KCNH8: variants seen among roughly 807,000 people sequenced by gnomAD.
KCNH8 encodes potassium voltage-gated channel subfamily H member 8, also known as voltage-gated delayed rectifier potassium channel KCNH8.
A neutral mutation model predicts 103.6 loss-of-function variants in KCNH8; 70 were observed. That is an observed-to-expected ratio of 0.68 (90% CI 0.56 to 0.82). The LOEUF (loss-of-function observed/expected upper bound fraction) is 0.82, where lower values mean the gene tolerates loss of function less well. Among genes scored for constraint, KCNH8 ranks in the 40% least tolerant of loss-of-function variants. The probability of loss-of-function intolerance (pLI) is 0.00; values close to 1 mark genes in which losing one functional copy is unlikely to be tolerated. For missense variants in KCNH8, 1,217 were observed against 1,329.9 expected (o/e 0.92, Z 1.32); for synonymous variants, 498 against 489.4 (o/e 1.02, Z -0.23).
chr3:19,457,009 A>C (rs2067543362), intron 11 of KCNH8, 27 bp downstream of exon 11: 1 of 1,489,974 alleles, frequency 6.7e-7, no homozygotes, highest in Non-Finnish European at 9.3e-7. Context: ...ATTAGTGCTA[A>C]GACCTAATAA....
chr3:19,250,084 G>A (rs2064256688), intron 1 of KCNH8, among the ~76,000 whole-genome samples: 1 of 152,034 alleles, frequency 6.6e-6, no homozygotes, highest in Non-Finnish European at 1.5e-5. Flanking sequence ...AATTAGCCAG[G>A]TGTGAATTTT....
At chr3:19,390,665 G>A (rs1575005355) in intron 6 of KCNH8, 27 bp downstream of exon 6, 1 of 1,592,794 alleles carries the variant, frequency 6.3e-7, no homozygotes, top group East Asian at 2.3e-5. Context: ...CCGCCACATG[G>A]CCTTTAAGGT....
At chr3:19,221,525 T>C (rs1230366790) in intron 1 of KCNH8, among the ~76,000 whole-genome samples, 1 of 152,250 alleles carries the variant, frequency 6.6e-6, no homozygotes, top group Non-Finnish European at 1.5e-5. Flanking sequence ...ATTTTTTTTC[T>C]CATCTTAAAT....
chr3:19,266,238 T>G (rs1266360601), intron 2 of KCNH8, among the ~76,000 whole-genome samples: 1 of 152,114 alleles, frequency 6.6e-6, no homozygotes, highest in Non-Finnish European at 1.5e-5. Context: ...CTTCCCTGTT[T>G]CTGTCCTCCC....
chr3:19,251,828 C>T (rs1292591341), intron 1 of KCNH8, among the ~76,000 whole-genome samples: 1 of 152,108 alleles, frequency 6.6e-6, no homozygotes, highest in Admixed American at 6.5e-5. Context: ...ACACAATTAC[C>T]AGATTCCATT....
At chr3:19,505,908 G>T (rs925116967) in intron 11 of KCNH8, among the ~76,000 whole-genome samples, 1 of 152,022 alleles carries the variant, frequency 6.6e-6, no homozygotes, top group Non-Finnish European at 1.5e-5. Flanking sequence ...TTATTTCAGT[G>T]AGCCAGTTTT....
chr3:19,276,552 C>T (rs549154790), intron 2 of KCNH8, among the ~76,000 whole-genome samples: 1 of 152,182 alleles, frequency 6.6e-6, no homozygotes, highest in Admixed American at 6.5e-5. Context: ...CACTATTTCC[C>T]ATCATGACAG....
intron 13 of KCNH8, among the ~76,000 whole-genome samples, chr3:19,513,977 TAATA>T (rs1235407856): frequency 2.0e-5 from 3 of 151,926 alleles, no homozygotes; most frequent in African/African-American, 7.3e-5. Context: ...AGCTGAATAA[TAATA>T]AATAAAAGCA....
At chr3:19,151,944 A>G (rs1221436530) in intron 1 of KCNH8, among the ~76,000 whole-genome samples, 1 of 152,122 alleles carries the variant, frequency 6.6e-6, no homozygotes, top group Non-Finnish European at 1.5e-5. Flanking sequence ...AGTAAGACTT[A>G]GAAAAACTAA....
At chr3:19,389,756 T>G (rs1445932062) in intron 5 of KCNH8, among the ~76,000 whole-genome samples, 1 of 151,924 alleles carries the variant, frequency 6.6e-6, no homozygotes, top group African/African-American at 2.4e-5. Flanking sequence ...GTCTCTGGAG[T>G]AACTGGGACT....
chr3:19,214,632 G>A (rs75042004), intron 1 of KCNH8, among the ~76,000 whole-genome samples: 5,910 of 152,238 alleles, frequency 0.039, 408 homozygotes, highest in African/African-American at 0.13. Context: ...TCTCAATCCT[G>A]CTTCCCTTAT....
At chr3:19,420,222 T>C (rs924012836) in intron 7 of KCNH8, among the ~76,000 whole-genome samples, 2 of 152,206 alleles carry the variant, frequency 1.3e-5, no homozygotes, top group African/African-American at 2.4e-5. Context: ...TTAACTATCA[T>C]TGCTATTCTT....
chr3:19,336,189 TTC>T (rs1400028134), intron 3 of KCNH8, among the ~76,000 whole-genome samples: 2 of 151,830 alleles, frequency 1.3e-5, no homozygotes, highest in African/African-American at 4.8e-5. Context: ...GTATTAATTT[TTC>T]TCTCATTCAT....
At chr3:19,327,793 C>T (rs1414213629) in intron 3 of KCNH8, among the ~76,000 whole-genome samples, 5 of 152,114 alleles carry the variant, frequency 3.3e-5, no homozygotes, top group Non-Finnish European at 5.9e-5. Flanking sequence ...AACATATAGA[C>T]CTCCAAATCA....
chr3:19,288,741 T>C (rs1356123465), intron 3 of KCNH8, among the ~76,000 whole-genome samples: 1 of 152,206 alleles, frequency 6.6e-6, no homozygotes, highest in Non-Finnish European at 1.5e-5. Context: ...TTTGGTTATA[T>C]ACCCAGTAAT....
intron 1 of KCNH8, among the ~76,000 whole-genome samples, chr3:19,202,300 G>C (rs982545563): frequency 6.6e-6 from 1 of 152,078 alleles, no homozygotes; most frequent in Non-Finnish European, 1.5e-5. Context: ...GAGCTGGGTT[G>C]GGTTTGATAT....
chr3:19,459,931 T>C (rs2067595035), intron 11 of KCNH8, among the ~76,000 whole-genome samples: 1 of 152,026 alleles, frequency 6.6e-6, no homozygotes, highest in Admixed American at 6.6e-5. Flanking sequence ...ATTATTTCCA[T>C]TGTCTGTTAT....
chr3:19,190,419 T>C (rs999689602), intron 1 of KCNH8, among the ~76,000 whole-genome samples: 1 of 151,988 alleles, frequency 6.6e-6, no homozygotes, highest in Admixed American at 6.6e-5. Flanking sequence ...CTTCAGCAGA[T>C]TGAGTTTTTT....
intron 1 of KCNH8, among the ~76,000 whole-genome samples, chr3:19,175,539 T>C (rs2063391469): frequency 6.6e-6 from 1 of 152,182 alleles, no homozygotes; most frequent in African/African-American, 2.4e-5. Context: ...GGTCATGCTT[T>C]TTTGTACAAT....
Sources: allele counts gnomAD v4.1 joint callset (sites outside exome capture counted in the v4.1 genomes callset), GRCh38; gene constraint gnomAD v4.1.1; transcripts MANE v1.5; gene names NCBI Gene and HGNC (gene_info 2026-07-23, HGNC 2026-07-21).